FRAS1: variants seen among roughly 807,000 people sequenced by gnomAD.
The protein encoded by FRAS1 is Fraser extracellular matrix complex subunit 1.
In FRAS1, 290 loss-of-function variants were observed where a neutral mutation model predicts 435.2. The observed-to-expected ratio is 0.67, with a 90% CI of 0.61 to 0.73. The LOEUF (loss-of-function observed/expected upper bound fraction) is 0.73. Among genes scored for constraint, FRAS1 ranks in the 30% least tolerant of loss-of-function variants. FRAS1 has a pLI of 0.00. For synonymous variants in FRAS1, 1,800 were observed against 1,851.0 expected (o/e 0.97, Z 0.71); for missense variants, 4,860 against 5,001.5 (o/e 0.97, Z 0.85).
chr4:78,535,011 T>C (rs1234803399), intron 71 of FRAS1, among the ~76,000 whole-genome samples: 3 of 152,198 alleles, frequency 2.0e-5, no homozygotes, highest in Non-Finnish European at 4.4e-5. Context: ...TGAAAATGGC[T>C]CACTTCACGG....
chr4:78,183,451 G>C (rs1722125159), intron 2 of FRAS1, among the ~76,000 whole-genome samples: 1 of 152,168 alleles, frequency 6.6e-6, no homozygotes, highest in Admixed American at 6.6e-5. Context: ...ATGCAGATTG[G>C]TGGTCCATCT....
intron 43 of FRAS1, 90 bp downstream of exon 43, chr4:78,446,970 T>C (rs1718856399): frequency 7.9e-7 from 1 of 1,258,698 alleles, no homozygotes; most frequent in Non-Finnish European, 1.1e-6. Flanking sequence ...GACTATTTCT[T>C]TTCTTGTATA....
chr4:78,433,168 C>A (rs1459518896), intron 38 of FRAS1, among the ~76,000 whole-genome samples: 1 of 152,168 alleles, frequency 6.6e-6, no homozygotes, highest in Non-Finnish European at 1.5e-5. Flanking sequence ...AGGAGAGGAT[C>A]AAGGACTAGA....
intron 2 of FRAS1, among the ~76,000 whole-genome samples, chr4:78,116,174 A>G (rs1275327282): frequency 3.9e-5 from 6 of 152,150 alleles, no homozygotes; most frequent in Non-Finnish European, 7.3e-5. Flanking sequence ...TTCTAGTTTG[A>G]TTGCCCTGTG....
Position 78,541,956 on chromosome 4 carries a change from C to CA in FRAS1, c.*832_*833insA, listed in dbSNP as rs1722069938. The stretch of plus-strand genomic sequence containing the variant: ...GCGAAACAGGATCAATGTACTACGG[C>CA]CTTTTAATTCAACATTGCCATAAAT... On this transcript the variant is annotated 3_prime_UTR_variant, in exon 74 of 74. Transcript: ENST00000512123. 6.6e-6 allele frequency: 1 copy of CA among 152,222 alleles called. No individual in the cohort carries two copies. The allele number at this position is 152,222 out of a possible 1,614,324, so 9.4% of individuals were successfully genotyped here.
Position 78,317,513 on chromosome 4 carries a change from C to T in FRAS1, c.1960+5C>T, listed in dbSNP as rs753797579. The stretch of plus-strand genomic sequence containing the variant: ...CTGACCATGGAGTCTGCAAAGGTAT[C>T]GTTGGTGTCACCATCATTCTTGAGA... On this transcript the variant is annotated splice_donor_5th_base_variant and intron_variant, in intron 17 of 73. Transcript: ENST00000512123. 1.4e-5 allele frequency: 23 copies of T among 1,609,008 alleles called. No homozygotes were observed. Among genetic ancestry groups the T allele is most frequent in the African/African-American group, 2.7e-5 (2 of 74,804 alleles).
intron 18 of FRAS1, among the ~76,000 whole-genome samples, chr4:78,322,674 C>A (rs1043134560): frequency 6.6e-6 from 1 of 152,100 alleles, no homozygotes; most frequent in Non-Finnish European, 1.5e-5. Flanking sequence ...GATGAAAAAA[C>A]AATACTACAG....
At chr4:78,404,584 G>A (rs1733028884) in intron 30 of FRAS1, among the ~76,000 whole-genome samples, 1 of 152,018 alleles carries the variant, frequency 6.6e-6, no homozygotes, top group Admixed American at 6.6e-5. Context: ...ATGATTGATG[G>A]CCAGTAGTGG....
At chr4:78,233,517 ATAGT>A (rs10564137) in intron 2 of FRAS1, among the ~76,000 whole-genome samples, 42,034 of 151,904 alleles carry the variant, frequency 0.28, 6,052 homozygotes, top group Non-Finnish European at 0.31. Flanking sequence ...AGAAAATGAA[ATAGT>A]TAGAAGACAT....
At chr4:78,263,062 G>C (rs189126623) in intron 6 of FRAS1, among the ~76,000 whole-genome samples, 5 of 152,316 alleles carry the variant, frequency 3.3e-5, no homozygotes, top group Admixed American at 3.3e-4. Context: ...CCGTGTATTA[G>C]ACTCTGTGGT....
At chr4:78,256,942 T>C (rs961607015) in intron 6 of FRAS1, among the ~76,000 whole-genome samples, 1 of 152,180 alleles carries the variant, frequency 6.6e-6, no homozygotes, top group South Asian at 2.1e-4. Flanking sequence ...ATACACTGGA[T>C]GTTCTGATGA....
At chr4:78,119,403 A>G (rs72860636) in intron 2 of FRAS1, among the ~76,000 whole-genome samples, 5,582 of 152,136 alleles carry the variant, frequency 0.037, 335 homozygotes, top group African/African-American at 0.13. Flanking sequence ...GATAAACTTT[A>G]TTCCCCCTAC....
intron 2 of FRAS1, among the ~76,000 whole-genome samples, chr4:78,165,980 A>G (rs1213865476): frequency 1.3e-5 from 2 of 152,172 alleles, no homozygotes; most frequent in Admixed American, 1.3e-4. Flanking sequence ...CCAAAGTCTC[A>G]TTGAAAGGTC....
At chr4:78,395,549 T>G (rs890124589) in intron 29 of FRAS1, among the ~76,000 whole-genome samples, 3 of 152,062 alleles carry the variant, frequency 2.0e-5, no homozygotes, top group East Asian at 3.8e-4. Context: ...GCTAATGTTA[T>G]GTGCATATAT....
At chr4:78,347,296 T>G (rs1730642051) in intron 20 of FRAS1, among the ~76,000 whole-genome samples, 1 of 152,214 alleles carries the variant, frequency 6.6e-6, no homozygotes, top group Non-Finnish European at 1.5e-5. Context: ...CCCTAAGTGC[T>G]TCTTTCTTAG....
intron 45 of FRAS1, 126 bp downstream of exon 45, chr4:78,450,465 G>A: frequency 1.4e-6 from 1 of 736,708 alleles, no homozygotes; most frequent in Non-Finnish European, 2.3e-6. Context: ...AGCTTCATTT[G>A]TTCTCTTCCT....
intron 2 of FRAS1, among the ~76,000 whole-genome samples, chr4:78,218,673 C>T (rs1021521604): frequency 6.6e-6 from 1 of 152,178 alleles, no homozygotes; most frequent in Non-Finnish European, 1.5e-5. Flanking sequence ...GCCCCAGAAT[C>T]AGTCAAACCA....
chr4:78,252,253 T>C, intron 4 of FRAS1, 139 bp from the exon 5 acceptor site: 1 of 763,892 alleles, frequency 1.3e-6, no homozygotes. Context: ...CTCTCAACCT[T>C]GCAAGCTCAT....
At chr4:78,333,555 G>A in intron 19 of FRAS1, 143 bp downstream of exon 19, 2 of 816,614 alleles carry the variant, frequency 2.4e-6, no homozygotes, top group Non-Finnish European at 3.7e-6. Context: ...CAGATTCAAA[G>A]TATAGAGGGA....
Sources: gnomAD v4.1 joint callset for allele counts (sites outside exome capture counted in the v4.1 genomes callset) on GRCh38, gnomAD v4.1.1 for gene constraint, MANE v1.5 for transcripts, NCBI Gene and HGNC (gene_info 2026-07-23, HGNC 2026-07-21) for gene names.